Variants in PTPRN2 observed in about 807,000 individuals in gnomAD.
PTPRN2 encodes protein tyrosine phosphatase receptor type N2, also known as receptor-type tyrosine-protein phosphatase N2.
Under a neutral mutation model 118.8 loss-of-function variants are expected in PTPRN2, and 74 were observed. That is an observed-to-expected ratio of 0.62 (90% CI 0.52 to 0.76). PTPRN2 has a LOEUF of 0.76. PTPRN2 is among the 30% of genes least tolerant of loss of function. PTPRN2 has a pLI of 0.00. For synonymous variants in PTPRN2, 641 were observed against 608.0 expected (o/e 1.05, Z -0.80); for missense variants, 1,481 against 1,394.4 (o/e 1.06, Z -0.99).
intron 14 of PTPRN2, among the ~76,000 whole-genome samples, chr7:157,641,243 G>A (rs1473178151): frequency 6.6e-6 from 1 of 152,178 alleles, no homozygotes; most frequent in Admixed American, 6.5e-5. Context: ...AACTAGCCAA[G>A]GGGGAGAGAG....
At position 158,570,199 on chromosome 7, in the gene PTPRN2, C is replaced by A. The variant is rs1744680450; in HGVS notation, c.112+17359G>T. 6.6e-6 allele frequency among the ~76,000 whole-genome samples: 1 copy of A among 152,174 alleles called. No individual in the cohort carries two copies. The highest frequency in any genetic ancestry group is 1.5e-5 in the Non-Finnish European group (1 of 68,004). Reference sequence around the variant, plus strand: ...CAGGCGGGGAGCGCGCAGCCACAGCCCGCGTTTCCGGGCTCCGTGTCCTTC... The same window carrying A: ...CAGGCGGGGAGCGCGCAGCCACAGCACGCGTTTCCGGGCTCCGTGTCCTTC... On this transcript the variant is annotated intron_variant, in intron 1 of 22. Coordinates refer to ENST00000389418, the MANE Select transcript of PTPRN2 (RefSeq NM_002847.5). This position sits in a 1 kb window ranked among gnomAD's most constrained non-coding sequence, Gnocchi z 4.5.
Position 158,587,632 on chromosome 7 carries a change from A to G in PTPRN2, c.38T>C (p.Leu13Pro). 1 of 1,367,310 alleles carries G rather than the reference A, an allele frequency of 7.3e-7. No homozygotes were observed. Among genetic ancestry groups the G allele is most frequent in the African/African-American group, 1.5e-5 (1 of 65,480 alleles). The allele number at this position is 1,367,310 out of a possible 1,614,324, so 84.7% of individuals were successfully genotyped here. Residue 13 changes from leucine (L) to proline (P), a missense_variant, in exon 1 of 23, where the codon CTG (leucine) becomes CCG (proline). Leu to Pro is a moderately conservative substitution (Grantham distance 98). Coordinates refer to ENST00000389418, the MANE Select transcript of PTPRN2 (RefSeq NM_002847.5). ...PPLPLLLLLLLLLPPRVLPAA... is the reference protein window; with the variant it reads ...PPLPLLLLLLPLLPPRVLPAA... ...AGGCAGGACGCGTGGCGGCAGCAGC[A>G]GCAGTAGCAGCAGCAGCAGCGGGAG...
At chr7:157,811,673 C>T (rs567755035) in intron 12 of PTPRN2, among the ~76,000 whole-genome samples, 119 of 152,226 alleles carry the variant, frequency 7.8e-4, no homozygotes, top group African/African-American at 2.6e-3. Context: ...GATGAGCACT[C>T]GGCTTATGGG....
chr7:157,810,993 G>A (rs114315256), intron 12 of PTPRN2, among the ~76,000 whole-genome samples: 35 of 152,074 alleles, frequency 2.3e-4, no homozygotes, highest in East Asian at 1.7e-3. Flanking sequence ...TTTTTGGGGC[G>A]GGGCGCTGTG....
chr7:157,770,710 C>T (rs1802749562), intron 12 of PTPRN2, among the ~76,000 whole-genome samples: 1 of 152,214 alleles, frequency 6.6e-6, no homozygotes, highest in African/African-American at 2.4e-5. Flanking sequence ...AGACGGACAT[C>T]CTCGGGAAGA....
chr7:157,911,641 C>A (rs1041098376), intron 11 of PTPRN2, among the ~76,000 whole-genome samples: 1 of 152,066 alleles, frequency 6.6e-6, no homozygotes, highest in South Asian at 2.1e-4. Context: ...CAGCAAACAT[C>A]CAGGATACCT....
intron 3 of PTPRN2, among the ~76,000 whole-genome samples, chr7:158,256,303 C>T (rs984081284): frequency 2.0e-5 from 3 of 151,918 alleles, no homozygotes; most frequent in Middle Eastern, 3.2e-3. Context: ...GGAAAGTGGA[C>T]GTGGCAGGGA....
chr7:157,838,328 G>A (rs547517187), intron 12 of PTPRN2, among the ~76,000 whole-genome samples: 148 of 147,534 alleles, frequency 1.0e-3, no homozygotes, highest in South Asian at 4.4e-3. Flanking sequence ...CCTCTCCGCC[G>A]TGCCTACTCC....
intron 11 of PTPRN2, among the ~76,000 whole-genome samples, chr7:157,915,082 TATTTAA>T (rs1273506844): frequency 6.6e-6 from 1 of 152,230 alleles, no homozygotes; most frequent in Non-Finnish European, 1.5e-5. Flanking sequence ...CATATTAAAA[TATTTAA>T]ATTTATGATC....
intron 9 of PTPRN2, among the ~76,000 whole-genome samples, chr7:158,118,428 C>G (rs1286683277): frequency 6.6e-6 from 1 of 152,066 alleles, no homozygotes; most frequent in Non-Finnish European, 1.5e-5. Flanking sequence ...GGAATTTAGG[C>G]ATTTAATTTT....
At chr7:157,825,610 C>T (rs969464797) in intron 12 of PTPRN2, among the ~76,000 whole-genome samples, 3 of 152,196 alleles carry the variant, frequency 2.0e-5, no homozygotes, top group Non-Finnish European at 2.9e-5. Context: ...TGAAGGCTCC[C>T]GTGTTAAGAG....
intron 12 of PTPRN2, among the ~76,000 whole-genome samples, chr7:157,849,017 C>T (rs1183879311): frequency 2.0e-5 from 3 of 152,198 alleles, no homozygotes; most frequent in Non-Finnish European, 4.4e-5. Flanking sequence ...AAGCTCTGAA[C>T]CAATAGCGGG....
At chr7:157,816,835 G>T (rs1027418037) in intron 12 of PTPRN2, among the ~76,000 whole-genome samples, 2 of 152,172 alleles carry the variant, frequency 1.3e-5, no homozygotes, top group South Asian at 2.1e-4. Flanking sequence ...ATGTGGATTC[G>T]CACAGACCCT....
chr7:158,147,624 GTCTTTCCCCCTC>G (rs1820272732), intron 6 of PTPRN2, among the ~76,000 whole-genome samples: 1 of 105,604 alleles, frequency 9.5e-6, no homozygotes, highest in African/African-American at 4.1e-5. Flanking sequence ...CACGCCACGT[GTCTTTCCCCCTC>G]AATGACACCC....
chr7:158,086,332 C>T (rs1479689320), intron 10 of PTPRN2, among the ~76,000 whole-genome samples: 4 of 152,332 alleles, frequency 2.6e-5, no homozygotes, highest in East Asian at 1.9e-4. Flanking sequence ...GCCTGGCGTC[C>T]GCCTGCACCA....
At chr7:158,231,697 C>G (rs1264899376) in intron 3 of PTPRN2, among the ~76,000 whole-genome samples, 1 of 152,176 alleles carries the variant, frequency 6.6e-6, no homozygotes, top group African/African-American at 2.4e-5. Context: ...ATGAAGCACT[C>G]TCCAGAATAC....
intron 2 of PTPRN2, among the ~76,000 whole-genome samples, chr7:158,347,895 A>T (rs1807634161): frequency 6.6e-6 from 1 of 152,134 alleles, no homozygotes; most frequent in African/African-American, 2.4e-5. Context: ...TGAACCATGG[A>T]GGTTGTGGCA....
chr7:158,561,494 A>C (rs563910058), intron 1 of PTPRN2, among the ~76,000 whole-genome samples: 35 of 152,350 alleles, frequency 2.3e-4, no homozygotes, highest in African/African-American at 7.2e-4. Flanking sequence ...TACACACCAG[A>C]AGGTTTGGGT....
At position 158,227,310 on chromosome 7, in the gene PTPRN2, G is replaced by C. The variant is rs190805927; in HGVS notation, c.278-22037C>G. On this transcript the variant is annotated intron_variant, in intron 3 of 22. Transcript: ENST00000389418. ...TGCTCAGGAGCCAGGAGAAGAGAGAGCTTCAAGGGTGAGAGAGAGGCGGTA... is the reference window on the plus strand; with the variant it reads ...TGCTCAGGAGCCAGGAGAAGAGAGACCTTCAAGGGTGAGAGAGAGGCGGTA... Among the ~76,000 whole-genome samples, 239 of 152,292 alleles carry C rather than the reference G, an allele frequency of 1.6e-3. 2 individuals carry two copies. Among genetic ancestry groups the C allele is most frequent in the African/African-American group, 5.7e-3 (235 of 41,570 alleles).
Sources: gnomAD v4.1 joint callset for allele counts (sites outside exome capture counted in the v4.1 genomes callset) on GRCh38, gnomAD v4.1.1 for gene constraint, Gnocchi (gnomAD v3.1) non-coding constraint, MANE v1.5 for transcripts, NCBI Gene and HGNC (gene_info 2026-07-23, HGNC 2026-07-21) for gene names.